SPAG17: variants seen among roughly 807,000 people sequenced by gnomAD.
The protein encoded by SPAG17 is sperm-associated antigen 17.
Under a neutral mutation model 273.6 loss-of-function variants are expected in SPAG17, and 169 were observed. That is an observed-to-expected ratio of 0.62 (90% CI 0.55 to 0.70). SPAG17 has a LOEUF of 0.70. SPAG17 is among the 30% of genes least tolerant of loss of function. SPAG17 has a pLI of 0.00. For missense variants in SPAG17, 2,557 were observed against 2,627.8 expected (o/e 0.97, Z 0.59); for synonymous variants, 825 against 873.2 (o/e 0.94, Z 0.97).
intron 18 of SPAG17, among the ~76,000 whole-genome samples, chr1:118,057,007 C>T (rs1337248912): frequency 1.3e-5 from 2 of 151,270 alleles, no homozygotes; most frequent in African/African-American, 4.9e-5. Context: ...CTGAGTCTCG[C>T]TCTGTCACCC....
Position 118,042,037 on chromosome 1 carries a change from C to T in SPAG17, c.2820G>A (p.Trp940Ter), listed in dbSNP as rs2101932715. ...PFILEGSLKA[W>*]KEEQHRLAEE... ...CTGCTAATCGATGTTGCTCTTCTTT[C>T]CATGCCTGTAAACACATTTAAGAAA... The change falls in exon 21 of 49, where the codon TGG becomes TGA. Residue 940 changes from tryptophan (W) to a stop codon, truncating the protein, a stop_gained. Coordinates refer to ENST00000336338, the MANE Select transcript of SPAG17 (RefSeq NM_206996.4). LOFTEE classifies it high-confidence loss of function. 1 of 1,610,120 alleles carries T rather than the reference C, an allele frequency of 6.2e-7. No homozygotes were observed. Among genetic ancestry groups the T allele is most frequent in the Non-Finnish European group, 8.5e-7 (1 of 1,179,056 alleles).
At chr1:117,965,134 T>C (rs1233631285) in intron 47 of SPAG17, 2 of 152,222 alleles carry the variant, frequency 1.3e-5, no homozygotes, top group Non-Finnish European at 2.9e-5. Flanking sequence ...GCTTTCTTAA[T>C]ACAGTCATTC....
intron 24 of SPAG17, among the ~76,000 whole-genome samples, chr1:118,034,075 A>T (rs1557935600): frequency 6.6e-6 from 1 of 152,192 alleles, no homozygotes; most frequent in Non-Finnish European, 1.5e-5. Flanking sequence ...TAAACAAGTG[A>T]ATGGCGTTCA....
In SPAG17 at chr1:118,036,680, GTTA is replaced by G. The variant is rs773042739; in HGVS notation, c.3433+87_3433+89del. 49 of 810,332 alleles carry G rather than the reference GTTA, an allele frequency of 6.0e-5. No individual in the cohort carries two copies. The South Asian group carries it at 6.3e-4, about 10-fold the overall frequency. The allele number at this position is 810,332 out of a possible 1,614,324, so 50.2% of individuals were successfully genotyped here. A position where few individuals can be genotyped will look rare whatever the true frequency, so the allele number is the denominator to read the frequency against. On this transcript the variant is annotated intron_variant, in intron 24 of 48. Transcript: ENST00000336338. ...AATGAGGAGCATTAAATCATAACAT[GTTA>G]TTGACAAGTGAGCAGACTGAGAATG... is the stretch of plus-strand genomic sequence containing the variant.
intron 42 of SPAG17, among the ~76,000 whole-genome samples, chr1:117,982,820 A>G (rs1655986512): frequency 6.6e-6 from 1 of 152,152 alleles, no homozygotes; most frequent in South Asian, 2.1e-4. Context: ...CAGTTTTTAT[A>G]TCACTTTAGT....
chr1:118,011,845 A>T (rs1659500126), intron 30 of SPAG17, among the ~76,000 whole-genome samples: 1 of 152,104 alleles, frequency 6.6e-6, no homozygotes, highest in Non-Finnish European at 1.5e-5. Context: ...CTAAGAAAGT[A>T]GACAGATTTT....
intron 29 of SPAG17, among the ~76,000 whole-genome samples, chr1:118,015,010 C>T (rs549189688): frequency 1.3e-5 from 2 of 152,230 alleles, no homozygotes; most frequent in African/African-American, 4.8e-5. Flanking sequence ...GAGGGCCGGG[C>T]GTGGTGGTTC....
intron 3 of SPAG17, among the ~76,000 whole-genome samples, chr1:118,125,247 T>C (rs1041579560): frequency 7.3e-6 from 1 of 136,376 alleles, no homozygotes; most frequent in Non-Finnish European, 1.5e-5. Context: ...ATATATATAT[T>C]TTTGACATAT....
At chr1:117,957,093 C>T in intron 48 of SPAG17, 1 of 1,600,126 alleles carries the variant, frequency 6.2e-7, no homozygotes, top group Non-Finnish European at 8.5e-7. Context: ...TCTACTTGTG[C>T]TGCCTTTCTC....
chr1:117,965,251 G>A (rs1254165968), intron 47 of SPAG17: 1 of 152,058 alleles, frequency 6.6e-6, no homozygotes, highest in Non-Finnish European at 1.5e-5. Flanking sequence ...TCTTTTCCTT[G>A]AAATTCTTCC....
intron 4 of SPAG17, among the ~76,000 whole-genome samples, chr1:118,107,703 C>A (rs1656491266): frequency 6.6e-6 from 1 of 151,948 alleles, no homozygotes; most frequent in Non-Finnish European, 1.5e-5. Flanking sequence ...TTATTTACTT[C>A]TGTAAATAAC....
chr1:118,153,315 A>G (rs914359267), intron 1 of SPAG17, among the ~76,000 whole-genome samples: 2 of 152,210 alleles, frequency 1.3e-5, no homozygotes, highest in East Asian at 3.8e-4. Context: ...TTATAGATGG[A>G]AAAACAAAGG....
chr1:118,045,197 G>A (rs1200377888), intron 20 of SPAG17, among the ~76,000 whole-genome samples: 1 of 152,176 alleles, frequency 6.6e-6, no homozygotes, highest in African/African-American at 2.4e-5. Flanking sequence ...TAAGTGATAG[G>A]AGCATCTTTT....
chr1:117,955,452 T>A, intron 48 of SPAG17: 1 of 1,207,346 alleles, frequency 8.3e-7, no homozygotes, highest in Non-Finnish European at 1.2e-6. Context: ...TTATAATTGA[T>A]GGTTATCTTA....
chr1:118,059,788 A>G (rs1233598324), intron 18 of SPAG17, among the ~76,000 whole-genome samples: 1 of 152,062 alleles, frequency 6.6e-6, no homozygotes, highest in Non-Finnish European at 1.5e-5. Context: ...TTTGCATGGA[A>G]TATCTTTTTC....
chr1:118,075,748 C>T (rs1654027725), intron 15 of SPAG17, among the ~76,000 whole-genome samples: 1 of 152,152 alleles, frequency 6.6e-6, no homozygotes, highest in South Asian at 2.1e-4. Flanking sequence ...CTCTCCCTTG[C>T]TCATTCTACT....
intron 3 of SPAG17, among the ~76,000 whole-genome samples, chr1:118,123,690 G>T (rs1657545786): frequency 6.6e-6 from 1 of 152,156 alleles, no homozygotes; most frequent in African/African-American, 2.4e-5. Flanking sequence ...AATAATTCCA[G>T]TCATTGGACC....
At chr1:117,977,516 G>A (rs527833500) in intron 43 of SPAG17, among the ~76,000 whole-genome samples, 1 of 152,182 alleles carries the variant, frequency 6.6e-6, no homozygotes, top group Admixed American at 6.5e-5. Context: ...GTTGTTGTAG[G>A]TGATTCACCT....
At position 117,996,415 on chromosome 1, in the gene SPAG17, C is replaced by T; in HGVS notation, c.5008G>A (p.Glu1670Lys). The change falls in exon 34 of 49, where the codon GAA becomes AAA. Residue 1670 changes from glutamate to lysine, a missense_variant. Coordinates refer to ENST00000336338, the MANE Select transcript of SPAG17 (RefSeq NM_206996.4). ...IEEYLSLAYK[E>K]SNTVVLQEPV... is the part of the protein sequence containing the mutation. ...TCTTGGAGAACAACAGTATTTGATT[C>T]TTTATATGCCAAAGATAGATATTCT... The T allele has an allele frequency of 6.2e-7, 1 of 1,613,004 alleles. No homozygotes were observed. The highest frequency in any genetic ancestry group is 1.7e-4 in the Middle Eastern group (1 of 6,042).
Sources: allele counts gnomAD v4.1 joint callset (sites outside exome capture counted in the v4.1 genomes callset), GRCh38; gene constraint gnomAD v4.1.1; transcripts MANE v1.5; gene names NCBI Gene and HGNC (gene_info 2026-07-23, HGNC 2026-07-21).